SLC26A1: variants seen among roughly 807,000 people sequenced by gnomAD.
The protein encoded by SLC26A1 is sulfate anion transporter 1.
A neutral mutation model predicts 14.5 loss-of-function variants in SLC26A1; 18 were observed. The ratio of observed to expected loss-of-function variants is 1.24; its 90% confidence interval spans 0.86 to 1.84. SLC26A1 has a LOEUF of 1.84. Ranked by LOEUF, SLC26A1 falls within the 40% of genes most tolerant of loss-of-function variation. The pLI is 0.00. For missense variants in SLC26A1, 1,049 were observed against 1,020.0 expected, an observed-to-expected ratio of 1.03 and a Z score of -0.39; for synonymous variants, 505 against 492.0, an observed-to-expected ratio of 1.03 and a Z score of -0.35.
At chr4:991,912 G>C in intron 1 of SLC26A1, 182 bp from the exon 2 acceptor site, 1 of 1,071,192 alleles carries the variant, frequency 9.3e-7, no homozygotes, top group Non-Finnish European at 1.4e-6. Flanking sequence ...TGGACGCTGG[G>C]CCCTGCTGGA....
At chr4:981,510 T>G (rs939221328) in intron 2 of SLC26A1, among the ~76,000 whole-genome samples, 1 of 152,252 alleles carries the variant, frequency 6.6e-6, no homozygotes, top group South Asian at 2.1e-4. Context: ...AGGCATGTGC[T>G]GCCTGCAGTC....
chr4:984,003 T>G (rs559989620), downstream of SLC26A1, among the ~76,000 whole-genome samples: 206 of 152,296 alleles, frequency 1.4e-3, no homozygotes, highest in African/African-American at 4.3e-3. Flanking sequence ...TTTTGTATTT[T>G]TGGTAGAGAC....
At position 989,321 on chromosome 4, in the gene SLC26A1, A is replaced by G; in HGVS notation, c.1618T>C (p.Phe540Leu). 3 of 1,610,320 alleles carry G rather than the reference A, an allele frequency of 1.9e-6. No individual in the cohort carries two copies. In the South Asian group the frequency reaches 3.3e-5, roughly 18 times the overall value. Residue 540 changes from phenylalanine to leucine, a missense_variant, in exon 3 of 3, where the codon TTC becomes CTC. Phe to Leu is a conservative substitution (Grantham distance 22). Coordinates refer to ENST00000398516, the MANE Select transcript of SLC26A1 (RefSeq NM_022042.4). ...TAGTACAGCGGCCCCCCAAAGCGGA[A>G]CACCCGCACGCCGGGCTCAGGGACG... ...GLVPEPGVRV[F>L]RFGGPLYYAN...
At chr4:979,091 C>T (rs1713459316) in exon 3 of SLC26A1, 2 of 215,812 alleles carry the variant, frequency 9.3e-6, no homozygotes, top group South Asian at 3.1e-4. Context: ...TATCATCTTC[C>T]ACAGAGGAAA....
rs747429057 is a variant in SLC26A1, at chr4:991,495, G to C, written c.209C>G (p.Ala70Gly). The change falls in exon 2 of 3, where the codon GCA (alanine) becomes GGA (glycine). Residue 70 changes from alanine (A) to glycine (G), a missense_variant. By Grantham distance (60) the Ala-to-Gly change is moderately conservative. Transcript: ENST00000398516. The stretch of plus-strand genomic sequence containing the variant: ...GACCAGCCCAGACATGACGTCGCCT[G>C]CCAGGTACTCCCGCGGGCGGTACTG... ...LRQYRPREYLAGDVMSGLVIG... is the reference protein window; with the variant it reads ...LRQYRPREYLGGDVMSGLVIG... 3.1e-6 allele frequency: 5 copies of C among 1,610,354 alleles called. No individual in the cohort carries two copies. Among genetic ancestry groups the C allele is most frequent in the South Asian group, 1.1e-5 (1 of 91,030 alleles).
At chr4:980,602 A>AG (rs1713510216) in intron 2 of SLC26A1, among the ~76,000 whole-genome samples, 1 of 152,004 alleles carries the variant, frequency 6.6e-6, no homozygotes, top group African/African-American at 2.4e-5. Flanking sequence ...AAAAAAAAAA[A>AG]AAGTGCTGTT....
chr4:987,064 AGTCCCCGAGCACGCGTGGCCATGC>A (rs766603377), downstream of SLC26A1: 2 of 1,505,462 alleles, frequency 1.3e-6, no homozygotes, highest in Non-Finnish European at 1.8e-6. Flanking sequence ...GAAGCCCCGC[AGTCCCCGAGCACGCGTGGCCATGC>A]GTCCCCTGCG....
chr4:986,240 T>C (rs537831403), downstream of SLC26A1, among the ~76,000 whole-genome samples: 1 of 152,280 alleles, frequency 6.6e-6, no homozygotes, highest in East Asian at 1.9e-4. Context: ...CCATTATTAT[T>C]TTTATACAAT....
chr4:979,072 A>G (rs1713458252), downstream of SLC26A1: 3 of 188,222 alleles, frequency 1.6e-5, no homozygotes, highest in East Asian at 3.9e-4. Context: ...TCTTTTTACA[A>G]TTTTGCAATA....
In SLC26A1 at chr4:988,764, C is replaced by G. The variant is rs1171352447; in HGVS notation, c.*69G>C. 6.9e-7 allele frequency: 1 copy of G among 1,455,958 alleles called. No homozygotes were observed. Among genetic ancestry groups the G allele is most frequent in the Non-Finnish European group, 9.1e-7 (1 of 1,104,242 alleles). 90.2% of individuals were successfully genotyped at this position (1,455,958 alleles called of 1,614,324 possible). On this transcript the variant is annotated 3_prime_UTR_variant, in exon 3 of 3. Coordinates refer to ENST00000398516, the MANE Select transcript of SLC26A1 (RefSeq NM_022042.4). ...GGCTCCTCCCTGGGAAGGGTCTCAGCAGTGGCTTGCAGACGTCTGCTGTGG... is the reference window on the plus strand; with the variant it reads ...GGCTCCTCCCTGGGAAGGGTCTCAGGAGTGGCTTGCAGACGTCTGCTGTGG...
downstream of SLC26A1, among the ~76,000 whole-genome samples, chr4:984,753 T>C (rs1330977006): frequency 1.3e-5 from 2 of 152,092 alleles, no homozygotes; most frequent in Non-Finnish European, 2.9e-5. Flanking sequence ...TGCAATGAGC[T>C]GAGATCGCAC....
downstream of SLC26A1, chr4:986,797 T>C (rs1347918799): frequency 3.4e-6 from 2 of 584,072 alleles, no homozygotes; most frequent in East Asian, 3.9e-5. Flanking sequence ...CAGTAATGGC[T>C]CAACTCACAT....
intron 2 of SLC26A1, chr4:990,813 A>G: frequency 2.4e-6 from 1 of 411,988 alleles, no homozygotes; most frequent in East Asian, 4.0e-5. Flanking sequence ...CCTAGGACAG[A>G]AGGCCTGGGA....
downstream of SLC26A1, among the ~76,000 whole-genome samples, chr4:986,619 TCTC>T (rs763460194): frequency 1.4e-4 from 22 of 152,110 alleles, no homozygotes; most frequent in Non-Finnish European, 2.8e-4. Context: ...CTGGGGTAAT[TCTC>T]CTTCCTGCTA....
Position 991,518 on chromosome 4 carries a change from C to A in SLC26A1, c.186G>T (p.Gln62His). 6.2e-7 allele frequency: 1 copy of A among 1,608,046 alleles called. No homozygotes were observed. The highest frequency in any genetic ancestry group is 8.5e-7 in the Non-Finnish European group (1 of 1,176,780). ...DLLPATRWLR[Q>H]YRPREYLAGD... is the part of the protein sequence containing the mutation. ...CTGCCAGGTACTCCCGCGGGCGGTA[C>A]TGACGCAGCCAGCGCGTGGCGGGGA... The change falls in exon 2 of 3, where the codon CAG (glutamine) becomes CAT (histidine). Residue 62 changes from glutamine (Q) to histidine (H), a missense_variant. Physicochemically the swap from Gln to His is conservative, Grantham distance 24 (BLOSUM62 0). Transcript: ENST00000398516.
At chr4:985,453 C>T (rs1713680806), downstream of SLC26A1, among the ~76,000 whole-genome samples, 1 of 152,254 alleles carries the variant, frequency 6.6e-6, no homozygotes, top group Non-Finnish European at 1.5e-5. Flanking sequence ...AATTCAGTTT[C>T]CATTGCTGTG....
chr4:983,113 C>T (rs554542713), downstream of SLC26A1, among the ~76,000 whole-genome samples: 2 of 152,370 alleles, frequency 1.3e-5, no homozygotes, highest in Admixed American at 1.3e-4. Context: ...GCTGTAAATC[C>T]TAATTCCCCA....
downstream of SLC26A1, among the ~76,000 whole-genome samples, chr4:983,052 C>T (rs568661731): frequency 2.8e-4 from 42 of 152,380 alleles, no homozygotes; most frequent in African/African-American, 9.6e-4. Context: ...CTTCAGGAGG[C>T]TCTCCTCCCC....
chr4:986,873 A>C (rs1217611993), downstream of SLC26A1: 1 of 655,862 alleles, frequency 1.5e-6, no homozygotes, highest in Admixed American at 2.1e-5. Flanking sequence ...GCAGCCCCTG[A>C]GGCCCGCAAG....
Sources: gnomAD v4.1 joint callset for allele counts (sites outside exome capture counted in the v4.1 genomes callset) on GRCh38, gnomAD v4.1.1 for gene constraint, MANE v1.5 for transcripts, NCBI Gene and HGNC (gene_info 2026-07-23, HGNC 2026-07-21) for gene names.